The following M1AP variants were observed in gnomAD, a reference collection of about 807,000 sequenced individuals.
M1AP encodes meiosis 1 associated protein, also known as meiosis 1 arrest protein.
A neutral mutation model predicts 51.2 loss-of-function variants in M1AP; 39 were observed. That is an observed-to-expected ratio of 0.76 (90% CI 0.59 to 1.00). The LOEUF (loss-of-function observed/expected upper bound fraction) is 1.00, where lower values mean the gene tolerates loss of function less well. M1AP is among the 50% of genes least tolerant of loss of function. M1AP has a pLI of 0.00. For synonymous variants in M1AP, 251 were observed against 249.2 expected (o/e 1.01, Z -0.07); for missense variants, 545 against 641.2 (o/e 0.85, Z 1.62).
rs1223715422 is a variant in M1AP, at chr2:74,557,966, C to T, written c.*750G>A. 3 of 151,550 alleles carry T rather than the reference C, an allele frequency of 2.0e-5. No individual in the cohort carries two copies. The highest frequency in any genetic ancestry group is 2.1e-4 in the South Asian group (1 of 4,810). The allele number at this position is 151,550 out of a possible 1,614,324, so 9.4% of individuals were successfully genotyped here. ...GCTCAGGCTGGTCTCGAACTCCTGG[C>T]CTCAAGTGATCATCCCACCTCAGCC... On this transcript the variant is annotated 3_prime_UTR_variant, in exon 11 of 11. Coordinates refer to ENST00000421985, the MANE Select transcript of M1AP (RefSeq NM_001321739.2).
intron 1 of M1AP, among the ~76,000 whole-genome samples, chr2:74,643,651 T>A (rs2104857078): frequency 6.7e-6 from 1 of 150,026 alleles, no homozygotes; most frequent in East Asian, 2.0e-4. Flanking sequence ...AGTGCAGCAG[T>A]GGCCCAATCT....
chr2:74,640,288 A>C lies in M1AP; in HGVS notation c.-13T>G. ...GCCCAGGATGCATGGCAGCAAAACC[A>C]GAGGGGGAACTGTAGCCACCAGCTG... On this transcript the variant is annotated 5_prime_UTR_variant, in exon 2 of 11. Transcript: ENST00000421985. The C allele has an allele frequency of 6.2e-7, 1 of 1,613,954 alleles. No individual in the cohort carries two copies. Among genetic ancestry groups the C allele is most frequent in the Non-Finnish European group, 8.5e-7 (1 of 1,179,900 alleles).
intron 1 of M1AP, among the ~76,000 whole-genome samples, chr2:74,642,400 A>G (rs1266885011): frequency 6.6e-6 from 1 of 152,240 alleles, no homozygotes; most frequent in East Asian, 1.9e-4. Flanking sequence ...TGATCATCCC[A>G]ATAGACGCAA....
Position 74,558,588 on chromosome 2 carries a change from G to T in M1AP, c.*128C>A. 1 of 1,097,180 alleles carries T rather than the reference G, an allele frequency of 9.1e-7. No homozygotes were observed. Among genetic ancestry groups the T allele is most frequent in the Non-Finnish European group, 1.3e-6 (1 of 757,636 alleles). 68.0% of individuals were successfully genotyped at this position (1,097,180 alleles called of 1,614,324 possible). A position where few individuals can be genotyped will look rare whatever the true frequency, so the allele number is the denominator to read the frequency against. On this transcript the variant is annotated 3_prime_UTR_variant, in exon 11 of 11. Transcript: ENST00000421985. The stretch of plus-strand genomic sequence containing the variant: ...ACTGAAACAGGACAGGAAGGCTGTT[G>T]TTTCCCAGTCAGCCCTCACTCACAG...
chr2:74,642,010 T>A (rs1298833674), intron 1 of M1AP, among the ~76,000 whole-genome samples: 1 of 151,988 alleles, frequency 6.6e-6, no homozygotes, highest in Non-Finnish European at 1.5e-5. Context: ...CATGCCTGGC[T>A]AGTTTTGTAT....
intron 4 of M1AP, among the ~76,000 whole-genome samples, chr2:74,593,867 A>G (rs1315095412): frequency 6.6e-6 from 1 of 152,212 alleles, no homozygotes; most frequent in South Asian, 2.1e-4. Flanking sequence ...TTGGAAAGAA[A>G]AGCCTTTGTC....
chr2:74,574,505 C>T (rs185933304), intron 7 of M1AP, among the ~76,000 whole-genome samples: 8 of 152,332 alleles, frequency 5.3e-5, no homozygotes, highest in Admixed American at 1.3e-4. Flanking sequence ...CAAACCACCA[C>T]GGTCTCTTGA....
chr2:74,622,543 C>CTTTTTTTTTTTT (rs534273779), intron 2 of M1AP, among the ~76,000 whole-genome samples: 1 of 117,314 alleles, frequency 8.5e-6, no homozygotes, highest in African/African-American at 3.2e-5. Context: ...CCATTGCCTG[C>CTTTTTTTTTTTT]TTTTTTTTTT....
chr2:74,613,903 C>T (rs887500824), intron 3 of M1AP, among the ~76,000 whole-genome samples: 1 of 152,154 alleles, frequency 6.6e-6, no homozygotes. Context: ...ATCTTCCTGC[C>T]CCAGCCTCTC....
chr2:74,615,380 C>A, intron 2 of M1AP: 1 of 500,066 alleles, frequency 2.0e-6, no homozygotes, highest in Non-Finnish European at 3.6e-6. Flanking sequence ...TTAGAGTTAC[C>A]AGAAACATGA....
intron 4 of M1AP, among the ~76,000 whole-genome samples, chr2:74,601,455 T>C (rs1184655731): frequency 6.6e-6 from 1 of 152,144 alleles, no homozygotes; most frequent in Non-Finnish European, 1.5e-5. Context: ...GAATGTGTCT[T>C]ACAATGTTGA....
chr2:74,616,595 T>A (rs756238152), intron 2 of M1AP, among the ~76,000 whole-genome samples: 21 of 152,190 alleles, frequency 1.4e-4, no homozygotes, highest in Admixed American at 3.3e-4. Flanking sequence ...TTATTGATCA[T>A]CCCATCATAC....
At chr2:74,606,625 T>C (rs1336927003) in intron 4 of M1AP, among the ~76,000 whole-genome samples, 1 of 151,940 alleles carries the variant, frequency 6.6e-6, no homozygotes, top group Non-Finnish European at 1.5e-5. Flanking sequence ...TATAAAAGAA[T>C]GTTAGAAGGG....
intron 4 of M1AP, among the ~76,000 whole-genome samples, chr2:74,596,956 G>A (rs190583470): frequency 1.3e-5 from 2 of 152,286 alleles, no homozygotes; most frequent in Admixed American, 1.3e-4. Context: ...GGGGCTGGAG[G>A]GATGGATGGA....
intron 2 of M1AP, among the ~76,000 whole-genome samples, chr2:74,621,834 G>A (rs1453415415): frequency 6.6e-6 from 1 of 151,394 alleles, no homozygotes; most frequent in Non-Finnish European, 1.5e-5. Flanking sequence ...TTGGTTGGGG[G>A]CGGTGGCTCA....
chr2:74,581,577 C>G, intron 5 of M1AP, 97 bp downstream of exon 5: 1 of 1,229,498 alleles, frequency 8.1e-7, no homozygotes, highest in African/African-American at 1.5e-5. Context: ...GTCCCTAAAC[C>G]TCAACGATGC....
rs748950761 is a variant in M1AP at position 74,558,878 on chromosome 2, C to T, written c.1435-4G>A. 1 of 1,580,950 alleles carries T rather than the reference C, an allele frequency of 6.3e-7. No homozygotes were observed. The highest frequency in any genetic ancestry group is 2.0e-5 in the Admixed American group (1 of 50,798). ...GGTTGGTCTGCAACTGCCCAGTCTG[C>T]AAAGAGAGCAACCAGAGCCTTCTCT... On this transcript the variant is annotated splice_polypyrimidine_tract_variant and splice_region_variant and intron_variant, in intron 10 of 10. Coordinates refer to ENST00000421985, the MANE Select transcript of M1AP (RefSeq NM_001321739.2).
chr2:74,603,293 G>A (rs939196951), intron 4 of M1AP, among the ~76,000 whole-genome samples: 1 of 152,216 alleles, frequency 6.6e-6, no homozygotes, highest in African/African-American at 2.4e-5. Flanking sequence ...ACACAGAAAT[G>A]AGTAAGACAA....
intron 2 of M1AP, 69 bp downstream of exon 2, chr2:74,639,967 T>C: frequency 7.5e-7 from 1 of 1,334,366 alleles, no homozygotes; most frequent in Non-Finnish European, 1.1e-6. Context: ...ATAACTGTGA[T>C]CTCTATTCCA....
Sources: gnomAD v4.1 joint callset for allele counts (sites outside exome capture counted in the v4.1 genomes callset) on GRCh38, gnomAD v4.1.1 for gene constraint, MANE v1.5 for transcripts, NCBI Gene and HGNC (gene_info 2026-07-23, HGNC 2026-07-21) for gene names.